The following HELQ variants were observed in gnomAD, a reference collection of about 807,000 sequenced individuals.
HELQ encodes the protein helicase, POLQ like.
In HELQ, 77 loss-of-function variants were observed where a neutral mutation model predicts 111.6. The ratio of observed to expected loss-of-function variants is 0.69; its 90% CI spans 0.57 to 0.83. The LOEUF (loss-of-function observed/expected upper bound fraction) is 0.83. Among genes scored for constraint, HELQ ranks in the 40% least tolerant of loss-of-function variants. HELQ has a pLI of 0.00. For missense variants in HELQ, 1,200 were observed against 1,288.5 expected (o/e 0.93, Z 1.05); for synonymous variants, 438 against 454.7 (o/e 0.96, Z 0.47).
intron 17 of HELQ, among the ~76,000 whole-genome samples, chr4:83,408,355 G>A (rs1472599322): frequency 6.6e-6 from 1 of 152,030 alleles, no homozygotes; most frequent in East Asian, 1.9e-4. Context: ...AGGTTCAAGT[G>A]ATTCAGAAGG....
At chr4:83,423,877 C>T (rs1477446066) in intron 14 of HELQ, among the ~76,000 whole-genome samples, 2 of 151,716 alleles carry the variant, frequency 1.3e-5, no homozygotes, top group African/African-American at 2.4e-5. Context: ...TGCCATTGCA[C>T]TGCAGCCTGG....
At position 83,448,868 on chromosome 4, in the gene HELQ, G is replaced by C; in HGVS notation, c.1106C>G (p.Ala369Gly). 6.2e-7 allele frequency: 1 copy of C among 1,613,642 alleles called. No individual in the cohort carries two copies. The highest frequency in any genetic ancestry group is 8.5e-7 in the Non-Finnish European group (1 of 1,179,762). The part of the protein sequence containing the change: ...LPTSGGKTLV[A>G]EILMLQELLC... The stretch of plus-strand genomic sequence containing the variant: ...CAGTTCTTGCAGCATTAAAATCTCA[G>C]CCACGAGGGTTTTTCCACCACTTGT... Residue 369 changes from alanine to glycine, a missense_variant, in exon 3 of 18, where the codon GCT becomes GGT. Around this residue, in one of 3 missense-constraint regions of HELQ, gnomAD observed 610 missense variants for 607.1 expected, o/e 1.00. Coordinates refer to ENST00000295488, the MANE Select transcript of HELQ (RefSeq NM_133636.5).
At chr4:83,427,472 TG>T in intron 13 of HELQ, 90 bp downstream of exon 13, 1 of 1,091,860 alleles carries the variant, frequency 9.2e-7, no homozygotes, top group Non-Finnish European at 1.3e-6. Context: ...CTGGGCAACA[TG>T]GCAAAGCCTC....
chr4:83,451,579 T>C (rs1318974270), intron 2 of HELQ, among the ~76,000 whole-genome samples: 1 of 150,546 alleles, frequency 6.6e-6, no homozygotes, highest in Non-Finnish European at 1.5e-5. Context: ...TGCAGGAAAA[T>C]GGCGCGAACC....
intron 3 of HELQ, among the ~76,000 whole-genome samples, 191 bp downstream of exon 3, chr4:83,448,592 C>T (rs1378295181): frequency 4.6e-5 from 7 of 151,550 alleles, no homozygotes; most frequent in Non-Finnish European, 8.8e-5. Flanking sequence ...ATCGCTTGAA[C>T]CTGGGAGGCG....
chr4:83,424,682 T>C (rs1049785707), intron 14 of HELQ, among the ~76,000 whole-genome samples: 2 of 152,130 alleles, frequency 1.3e-5, no homozygotes, highest in African/African-American at 2.4e-5. Context: ...CTCAGCCTCC[T>C]GAGTAGCTGG....
chr4:83,443,124 A>T (rs1027906033), intron 6 of HELQ, among the ~76,000 whole-genome samples: 2 of 152,036 alleles, frequency 1.3e-5, no homozygotes, highest in African/African-American at 4.8e-5. Flanking sequence ...ACATATAAAT[A>T]TTTAAAAATA....
intron 2 of HELQ, among the ~76,000 whole-genome samples, chr4:83,451,306 A>C (rs982152282): frequency 6.6e-6 from 1 of 152,118 alleles, no homozygotes; most frequent in African/African-American, 2.4e-5. Context: ...TTGCATTTTT[A>C]AGTGACAATC....
rs768745458 is a variant in HELQ at position 83,453,916 on chromosome 4, A to T, written c.327T>A (p.Gly109=). The T allele has an allele frequency of 5.0e-6, 8 of 1,612,420 alleles. No homozygotes were observed. In the South Asian group the frequency reaches 6.6e-5, roughly 13 times the overall value. ...AGTTTTCAGTAAAGCTATCATAGTC[A>T]CCAAACATGTCCACTTCACTGTCAT... The part of the protein sequence containing the change: ...QPNDSEVDMF[G]DYDSFTENSF... The change falls in exon 2 of 18, where the codon GGT becomes GGA. Residue 109 remains glycine (G), a synonymous_variant. Coordinates refer to ENST00000295488, the MANE Select transcript of HELQ (RefSeq NM_133636.5).
intron 17 of HELQ, among the ~76,000 whole-genome samples, chr4:83,411,206 T>C (rs75373496): frequency 0.024 from 3,335 of 137,730 alleles, 122 homozygotes; most frequent in African/African-American, 0.085. Context: ...AGATTATAAA[T>C]AGACAAATAA....
intron 13 of HELQ, among the ~76,000 whole-genome samples, chr4:83,426,572 G>GTTT (rs769458072): frequency 1.4e-5 from 2 of 145,658 alleles, no homozygotes; most frequent in Admixed American, 6.8e-5. Flanking sequence ...TTCTGTTTTT[G>GTTT]TTTTTTTTTT....
At chr4:83,410,088 A>G (rs1028763537) in intron 17 of HELQ, among the ~76,000 whole-genome samples, 3 of 152,080 alleles carry the variant, frequency 2.0e-5, no homozygotes, top group Admixed American at 1.3e-4. Context: ...AAGCCTCTAC[A>G]ACAACAACAA....
Position 83,416,762 on chromosome 4 carries a change from C to A in HELQ, c.3167G>T (p.Arg1056Leu), listed in dbSNP as rs1264603339. 1.9e-6 allele frequency: 3 copies of A among 1,612,724 alleles called. No homozygotes were observed. The highest frequency in any genetic ancestry group is 2.2e-5 in the South Asian group (2 of 90,570). Residue 1056 changes from arginine to leucine, a missense_variant, in exon 17 of 18, where the codon CGC becomes CTC. Arg to Leu is a moderately radical substitution (Grantham distance 102). This residue lies in a region of HELQ where 585 missense variants were observed against 665.3 expected (regional missense o/e 0.88). Coordinates refer to ENST00000295488, the MANE Select transcript of HELQ (RefSeq NM_133636.5). ...TGATGAAACAATTTGCTTGGCTTGG[C>A]GTCTTGATAAATGATCAATTGTCCT... Reference protein sequence around the residue: ...LVRTIDHLSRRQAKQIVSSAK... With the variant: ...LVRTIDHLSRLQAKQIVSSAK...
At chr4:83,411,630 T>TAAATAA (rs1235957225) in intron 17 of HELQ, among the ~76,000 whole-genome samples, 2 of 146,916 alleles carry the variant, frequency 1.4e-5, no homozygotes, top group African/African-American at 5.3e-5. Context: ...TAAATAAAAT[T>TAAATAA]AATTAATTTA....
chr4:83,425,678 AAT>A (rs1322019813), intron 14 of HELQ, among the ~76,000 whole-genome samples: 1 of 152,192 alleles, frequency 6.6e-6, no homozygotes, highest in Non-Finnish European at 1.5e-5. Context: ...TAGAAAGCCT[AAT>A]ATAGTTTCTA....
At chr4:83,415,078 T>C (rs1021702693) in intron 17 of HELQ, among the ~76,000 whole-genome samples, 3 of 152,072 alleles carry the variant, frequency 2.0e-5, no homozygotes, top group Non-Finnish European at 4.4e-5. Flanking sequence ...TATATGAAAA[T>C]AGTAAAACAA....
At chr4:83,408,366 C>T (rs1427065204) in intron 17 of HELQ, among the ~76,000 whole-genome samples, 8 of 152,012 alleles carry the variant, frequency 5.3e-5, no homozygotes, top group South Asian at 2.1e-4. Flanking sequence ...ATTCAGAAGG[C>T]CTCAGCCTTC....
At chr4:83,424,476 T>C (rs747752548) in intron 14 of HELQ, among the ~76,000 whole-genome samples, 2 of 152,204 alleles carry the variant, frequency 1.3e-5, no homozygotes, top group African/African-American at 4.8e-5. Flanking sequence ...GCCCATGCTA[T>C]CCTGAAACTC....
rs1721754683 is a variant in HELQ, at chr4:83,455,724, G to A, written c.-31C>T. On this transcript the variant is annotated 5_prime_UTR_variant, in exon 1 of 18. In the 5' UTR this introduces an upstream ATG that the reference lacks. Transcript: ENST00000295488. Reference sequence around the variant, plus strand: ...GGACCCAGGGCCCTATTCAGACGTCGTTCTCAGTGACCCAGACGCTAAGCC... The same window carrying A: ...GGACCCAGGGCCCTATTCAGACGTCATTCTCAGTGACCCAGACGCTAAGCC... 1.9e-6 allele frequency: 3 copies of A among 1,574,374 alleles called. No individual in the cohort carries two copies. The South Asian group carries it at 3.3e-5, about 18-fold the overall frequency.
Sources: gnomAD v4.1 joint callset for allele counts (sites outside exome capture counted in the v4.1 genomes callset) on GRCh38, gnomAD v4.1.1 for gene constraint, gnomAD v4.1.1 regional missense constraint, MANE v1.5 for transcripts, NCBI Gene and HGNC (gene_info 2026-07-23, HGNC 2026-07-21) for gene names.